KCNK10: variants seen among roughly 807,000 people sequenced by gnomAD.
The protein encoded by KCNK10 is potassium two pore domain channel subfamily K member 10, also known as potassium channel subfamily K member 10.
KCNK10 carries 25 observed loss-of-function variants against 47.7 expected under a neutral mutation model. The ratio of observed to expected loss-of-function variants is 0.52; its 90% CI spans 0.38 to 0.73. The LOEUF (loss-of-function observed/expected upper bound fraction) is 0.73, where lower values mean the gene tolerates loss of function less well. Among genes scored for constraint, KCNK10 ranks in the 30% least tolerant of loss-of-function variants. The pLI is 0.00. For synonymous variants in KCNK10, 303 were observed against 285.6 expected (o/e 1.06, Z -0.61); for missense variants, 563 against 714.5 (o/e 0.79, Z 2.42).
At chr14:88,314,800 A>T (rs1391185671) in intron 1 of KCNK10, among the ~76,000 whole-genome samples, 2 of 152,236 alleles carry the variant, frequency 1.3e-5, no homozygotes, top group African/African-American at 4.8e-5. Flanking sequence ...ATGATCCGGC[A>T]TTCTTCTAAG....
Position 88,303,995 on chromosome 14 carries a change from C to T in KCNK10, c.52+18752G>A, listed in dbSNP as rs1195568970. ...CACCAGAATGGACGCTCTTTAATGA[C>T]AGGGACCATCTCATTAGCATCTCAA... On this transcript the variant is annotated intron_variant, in intron 1 of 6. Coordinates refer to ENST00000319231, the MANE Select transcript of KCNK10 (RefSeq NM_138317.3). Among the ~76,000 whole-genome samples the T allele has an allele frequency of 3.3e-5, 5 of 152,092 alleles. No homozygotes were observed. The East Asian group carries it at 7.7e-4, about 23-fold the overall frequency.
chr14:88,213,804 G>A lies in KCNK10; in HGVS notation c.681+13571C>T, dbSNP rs547627448. The stretch of plus-strand genomic sequence containing the variant: ...GAGCTAAAATGGCTCTTAAAAGGAA[G>A]AGATATTTAATACTACTTGACATAG... On this transcript the variant is annotated intron_variant, in intron 4 of 6. Coordinates refer to ENST00000319231, the MANE Select transcript of KCNK10 (RefSeq NM_138317.3). Among the ~76,000 whole-genome samples, 15 of 152,042 alleles carry A rather than the reference G, an allele frequency of 9.9e-5. No homozygotes were observed. The South Asian group carries it at 2.9e-3, about 29-fold the overall frequency.
At chr14:88,212,098 C>T (rs1304943038) in intron 4 of KCNK10, among the ~76,000 whole-genome samples, 1 of 111,112 alleles carries the variant, frequency 9.0e-6, no homozygotes, top group East Asian at 3.8e-4. Context: ...TTGGTACTAA[C>T]TGATAGTGAG....
upstream of KCNK10, among the ~76,000 whole-genome samples, chr14:88,324,894 G>T (rs1317784849): frequency 6.6e-6 from 1 of 152,208 alleles, no homozygotes; most frequent in African/African-American, 2.4e-5. Context: ...AAAGGTGAGT[G>T]CTTTGTCACT....
intron 1 of KCNK10, among the ~76,000 whole-genome samples, chr14:88,309,482 G>T (rs1206728079): frequency 3.3e-5 from 5 of 152,116 alleles, no homozygotes; most frequent in African/African-American, 1.2e-4. Context: ...CATGCCTATA[G>T]TCCCAGCTAC....
intron 2 of KCNK10, among the ~76,000 whole-genome samples, chr14:88,252,958 C>G (rs8019344): frequency 0.021 from 3,264 of 152,256 alleles, 105 homozygotes; most frequent in African/African-American, 0.075. Context: ...TATGTACTCT[C>G]TAAGCCCACC....
upstream of KCNK10, chr14:88,326,598 A>G: frequency 1.5e-6 from 1 of 661,156 alleles, no homozygotes; most frequent in Non-Finnish European, 2.6e-6. Flanking sequence ...CGTGGCGCAA[A>G]GTCTCCCTGC....
intron 1 of KCNK10, among the ~76,000 whole-genome samples, chr14:88,300,727 G>A (rs1888074031): frequency 6.6e-6 from 1 of 152,130 alleles, no homozygotes; most frequent in Non-Finnish European, 1.5e-5. Flanking sequence ...TAAGAAAATT[G>A]TTCAATCTGG....
chr14:88,268,226 C>T (rs533987920), intron 1 of KCNK10, among the ~76,000 whole-genome samples: 59 of 152,304 alleles, frequency 3.9e-4, no homozygotes, highest in African/African-American at 1.3e-3. Context: ...CTGAGGAGTC[C>T]TGTGTCTCCC....
chr14:88,292,056 G>A (rs1274381213), intron 1 of KCNK10, among the ~76,000 whole-genome samples: 3 of 152,152 alleles, frequency 2.0e-5, no homozygotes, highest in Non-Finnish European at 4.4e-5. Context: ...GTCTTCACAG[G>A]GTGGCCAAGA....
At chr14:88,264,655 G>A (rs1472085106) in intron 1 of KCNK10, among the ~76,000 whole-genome samples, 6 of 152,106 alleles carry the variant, frequency 3.9e-5, no homozygotes, top group Admixed American at 1.3e-4. Flanking sequence ...CTAGGCCCTC[G>A]GAATCAGTTT....
At position 88,227,942 on chromosome 14, in the gene KCNK10, C is replaced by A. The variant is rs1886039027; in HGVS notation, c.521-407G>T. ...TCTTTTTCACAGTCTTACCCATGGG[C>A]TCCACCTGGACCGACTGTGGCTGTC... On this transcript the variant is annotated intron_variant, in intron 3 of 6. Coordinates refer to ENST00000319231, the MANE Select transcript of KCNK10 (RefSeq NM_138317.3). 3.3e-5 allele frequency among the ~76,000 whole-genome samples: 5 copies of A among 152,200 alleles called. No individual in the cohort carries two copies. The South Asian group carries it at 8.3e-4, about 25-fold the overall frequency.
intron 2 of KCNK10, among the ~76,000 whole-genome samples, chr14:88,256,030 A>G (rs11625811): frequency 0.57 from 87,275 of 151,968 alleles, 25,289 homozygotes; most frequent in East Asian, 0.72. Flanking sequence ...ATTTACAATC[A>G]TCTGCACACT....
intron 6 of KCNK10, 101 bp downstream of exon 6, chr14:88,187,866 C>G: frequency 8.1e-7 from 1 of 1,230,132 alleles, no homozygotes; most frequent in Non-Finnish European, 1.2e-6. Flanking sequence ...CCCTGCAAAA[C>G]CGAGCCAGAA....
intron 4 of KCNK10, among the ~76,000 whole-genome samples, chr14:88,220,646 T>C (rs913941820): frequency 1.3e-5 from 2 of 148,404 alleles, no homozygotes; most frequent in African/African-American, 2.5e-5. Context: ...CAGGAACAAC[T>C]GAACATACAC....
chr14:88,308,415 T>C (rs1566720910), intron 1 of KCNK10, among the ~76,000 whole-genome samples: 1 of 152,262 alleles, frequency 6.6e-6, no homozygotes, highest in African/African-American at 2.4e-5. Flanking sequence ...GGCCTCATTC[T>C]GCCCCAGCAG....
chr14:88,255,666 A>T (rs866992021), intron 2 of KCNK10, among the ~76,000 whole-genome samples: 2 of 152,056 alleles, frequency 1.3e-5, no homozygotes, highest in Non-Finnish European at 2.9e-5. Flanking sequence ...CACCGAAGAG[A>T]GGCAGGGGAG....
intron 4 of KCNK10, among the ~76,000 whole-genome samples, chr14:88,225,522 G>A (rs1052061480): frequency 5.9e-5 from 9 of 152,184 alleles, no homozygotes; most frequent in African/African-American, 2.2e-4. Flanking sequence ...CATTAGGGGA[G>A]ACTAAGTCCC....
intron 3 of KCNK10, among the ~76,000 whole-genome samples, chr14:88,231,117 A>G (rs188370608): frequency 2.4e-3 from 366 of 152,030 alleles, no homozygotes; most frequent in Non-Finnish European, 3.9e-3. Flanking sequence ...TCTACAAAAA[A>G]AAAATTTTTT....
Sources: allele counts gnomAD v4.1 joint callset (sites outside exome capture counted in the v4.1 genomes callset), GRCh38; gene constraint gnomAD v4.1.1; transcripts MANE v1.5; gene names NCBI Gene and HGNC (gene_info 2026-07-23, HGNC 2026-07-21).